Variants in PCDHA8 observed in about 807,000 individuals in gnomAD.
PCDHA8 encodes the protein protocadherin alpha-8.
Under a neutral mutation model 61.8 loss-of-function variants are expected in PCDHA8, and 53 were observed. That is an observed-to-expected ratio of 0.86 (90% CI 0.69 to 1.08). The LOEUF is 1.08. Ranked by LOEUF, PCDHA8 falls within the 50% of genes least tolerant of loss-of-function variation. PCDHA8 has a pLI of 0.00. For missense variants in PCDHA8, 1,293 were observed against 1,245.0 expected, an observed-to-expected ratio of 1.04 and a Z score of -0.58; for synonymous variants, 618 against 556.6, an observed-to-expected ratio of 1.11 and a Z score of -1.55.
intron 1 of PCDHA8, among the ~76,000 whole-genome samples, chr5:140,911,457 A>G (rs1225259689): frequency 6.6e-6 from 1 of 152,144 alleles, no homozygotes; most frequent in Non-Finnish European, 1.5e-5. Flanking sequence ...CTCTTTCTCT[A>G]CAGGAGATAA....
intron 1 of PCDHA8, among the ~76,000 whole-genome samples, chr5:140,943,548 G>A (rs1280986902): frequency 6.6e-6 from 1 of 152,152 alleles, no homozygotes; most frequent in African/African-American, 2.4e-5. Context: ...GTAAATAGAC[G>A]TAGACAATAA....
In PCDHA8 at chr5:140,927,340, G is replaced by A. The variant is rs77098674; in HGVS notation, c.2395-51609G>A. ...CCGCTTTACTCTCCCGAATGCCCAAGATGACGACGAGGGAAGCAATGGGAT... is the reference window on the plus strand; with the variant it reads ...CCGCTTTACTCTCCCGAATGCCCAAAATGACGACGAGGGAAGCAATGGGAT... On this transcript the variant is annotated intron_variant, in intron 1 of 3. Coordinates refer to ENST00000531613, the MANE Select transcript of PCDHA8 (RefSeq NM_018911.3). The A allele has an allele frequency of 8.1e-6, 13 of 1,614,032 alleles. No individual in the cohort carries two copies. The African/African-American group carries it at 1.5e-4, about 18-fold the overall frequency.
intron 1 of PCDHA8, among the ~76,000 whole-genome samples, chr5:140,957,748 G>T (rs2095381433): frequency 6.6e-6 from 1 of 152,080 alleles, no homozygotes; most frequent in South Asian, 2.1e-4. Context: ...GACATGAAAG[G>T]ATGTTCATTA....
At chr5:140,884,373 T>C (rs1554181483) in intron 1 of PCDHA8, 2 of 1,613,958 alleles carry the variant, frequency 1.2e-6, no homozygotes, top group South Asian at 2.2e-5. Context: ...TACTTGATCA[T>C]TGCCATCTGC....
At chr5:140,970,567 T>G (rs558796957) in intron 1 of PCDHA8, among the ~76,000 whole-genome samples, 7 of 152,284 alleles carry the variant, frequency 4.6e-5, no homozygotes, top group African/African-American at 1.7e-4. Context: ...TCCATATGTA[T>G]GCTTGAAATA....
chr5:140,880,327 T>C (rs2058305796), intron 1 of PCDHA8, among the ~76,000 whole-genome samples: 1 of 152,118 alleles, frequency 6.6e-6, no homozygotes, highest in African/African-American at 2.4e-5. Context: ...AATAAGATAC[T>C]AAAAATAAGA....
At chr5:140,864,745 T>G (rs528957668) in intron 1 of PCDHA8, 1 of 152,328 alleles carries the variant, frequency 6.6e-6, no homozygotes, top group Non-Finnish European at 1.5e-5. Flanking sequence ...GAGCACCGAT[T>G]ATACTCATTT....
chr5:140,952,841 C>T (rs2094805193), intron 1 of PCDHA8, among the ~76,000 whole-genome samples: 1 of 152,102 alleles, frequency 6.6e-6, no homozygotes, highest in South Asian at 2.1e-4. Context: ...TGGCCATCTG[C>T]TTGTCTTCTG....
At chr5:140,967,552 T>C (rs782453868) in intron 1 of PCDHA8, 2 of 1,613,908 alleles carry the variant, frequency 1.2e-6, no homozygotes, top group Non-Finnish European at 1.7e-6. Context: ...AGTCCACTTA[T>C]CGCGTCCAGC....
Position 140,841,300 on chromosome 5 carries a change from T to C in PCDHA8, c.-22T>C, listed in dbSNP as rs1305687765. The C allele has an allele frequency of 9.6e-6, 15 of 1,568,478 alleles. No homozygotes were observed. Among genetic ancestry groups the C allele is most frequent in the African/African-American group, 4.1e-5 (3 of 72,792 alleles). Reference sequence around the variant, plus strand: ...ATCTTTATATTAAGATAATATTTTCTGATAGGAAACGACTATTTAACATGG... The same window carrying C: ...ATCTTTATATTAAGATAATATTTTCCGATAGGAAACGACTATTTAACATGG... On this transcript the variant is annotated 5_prime_UTR_variant, in exon 1 of 4. Transcript: ENST00000531613.
At chr5:141,007,688 C>A (rs1554261446) in intron 3 of PCDHA8, among the ~76,000 whole-genome samples, 1 of 152,170 alleles carries the variant, frequency 6.6e-6, no homozygotes, top group Admixed American at 6.5e-5. Flanking sequence ...ATCCTACTTC[C>A]ACCTCCCTCC....
chr5:140,884,486 G>T, intron 1 of PCDHA8: 1 of 1,614,030 alleles, frequency 6.2e-7, no homozygotes, highest in Non-Finnish European at 8.5e-7. Flanking sequence ...GCCCACTCTA[G>T]TGTGCTCCAG....
rs1554139384 is a variant in PCDHA8 at position 140,842,789 on chromosome 5, G to T, written c.1468G>T (p.Val490Leu). 1 of 1,594,392 alleles carries T rather than the reference G, an allele frequency of 6.3e-7. No individual in the cohort carries two copies. The highest frequency in any genetic ancestry group is 1.3e-5 in the African/African-American group (1 of 74,300). The change falls in exon 1 of 4, where the codon GTG becomes TTG. Residue 490 changes from valine to leucine, a missense_variant. Physicochemically the swap from Val to Leu is conservative, Grantham distance 32 (BLOSUM62 1). Coordinates refer to ENST00000531613, the MANE Select transcript of PCDHA8 (RefSeq NM_018911.3). Reference sequence around the variant, plus strand: ...CGCGGACGCGCAGGAGAACGCGCTGGTGTCCTACTCGCTTGTGGAGCGGCG... The same window carrying T: ...CGCGGACGCGCAGGAGAACGCGCTGTTGTCCTACTCGCTTGTGGAGCGGCG... ...RDADAQENAL[V>L]SYSLVERRVG...
intron 3 of PCDHA8, among the ~76,000 whole-genome samples, chr5:140,987,213 C>CAA (rs58319157): frequency 8.4e-5 from 10 of 118,874 alleles, no homozygotes; most frequent in Non-Finnish European, 1.2e-4. Flanking sequence ...GACTCCATCT[C>CAA]AAAAAAAAAA....
At chr5:141,008,723 C>G (rs1480694972) in intron 3 of PCDHA8, among the ~76,000 whole-genome samples, 1 of 152,110 alleles carries the variant, frequency 6.6e-6, no homozygotes, top group Non-Finnish European at 1.5e-5. Flanking sequence ...GAGTGTATGT[C>G]CAACTAGACT....
At position 140,927,719 on chromosome 5, in the gene PCDHA8, C is replaced by A. The variant is rs144571902; in HGVS notation, c.2395-51230C>A. Reference sequence around the variant, plus strand: ...GTCCAGTACTCCCTAAGCAACAGCACGCAAGCAGAGCTGCGACACCGCTTT... The same window carrying A: ...GTCCAGTACTCCCTAAGCAACAGCAAGCAAGCAGAGCTGCGACACCGCTTT... On this transcript the variant is annotated intron_variant, in intron 1 of 3. Transcript: ENST00000531613. The A allele has an allele frequency of 2.2e-4, 352 of 1,614,178 alleles. No individual in the cohort carries two copies. In the Middle Eastern group the frequency reaches 2.3e-3, roughly 11 times the overall value.
At chr5:140,967,073 G>A (rs1554229137) in intron 1 of PCDHA8, 1 of 1,613,160 alleles carries the variant, frequency 6.2e-7, no homozygotes, top group South Asian at 1.1e-5. Flanking sequence ...CTTCGTCAAC[G>A]AGCGCATTGA....
At chr5:140,870,830 T>C in intron 1 of PCDHA8, 1 of 1,613,762 alleles carries the variant, frequency 6.2e-7, no homozygotes. Context: ...GGAGGCGCAG[T>C]TAACAAGCTA....
chr5:140,895,428 C>A (rs2065003978), intron 1 of PCDHA8, among the ~76,000 whole-genome samples: 1 of 152,154 alleles, frequency 6.6e-6, no homozygotes, highest in Non-Finnish European at 1.5e-5. Flanking sequence ...TTTGCTTCCT[C>A]CTGAGACTCT....
Sources: allele counts gnomAD v4.1 joint callset (sites outside exome capture counted in the v4.1 genomes callset), GRCh38; gene constraint gnomAD v4.1.1; transcripts MANE v1.5; gene names NCBI Gene and HGNC (gene_info 2026-07-23, HGNC 2026-07-21).